PARD6G: variants seen among roughly 807,000 people sequenced by gnomAD.
The protein encoded by PARD6G is par-6 family cell polarity regulator gamma.
Under a neutral mutation model 10.7 loss-of-function variants are expected in PARD6G, and 7 were observed. That is an observed-to-expected ratio of 0.66 (90% CI 0.37 to 1.23). The LOEUF (loss-of-function observed/expected upper bound fraction) is 1.23. Ranked by LOEUF, PARD6G falls within the 50% of genes most tolerant of loss-of-function variation. The pLI is 0.02. For missense variants in PARD6G, 548 were observed against 571.8 expected (o/e 0.96, Z 0.42); for synonymous variants, 287 against 269.4 (o/e 1.07, Z -0.64).
intron 2 of PARD6G, chr18:80,170,141 T>C (rs2052766003): frequency 2.0e-5 from 3 of 152,214 alleles, no homozygotes; most frequent in Non-Finnish European, 4.4e-5. Flanking sequence ...CACCACTGGG[T>C]CAAAACACAT....
intron 2 of PARD6G, among the ~76,000 whole-genome samples, chr18:80,185,127 T>G (rs1262292454): frequency 6.6e-6 from 1 of 152,200 alleles, no homozygotes; most frequent in Non-Finnish European, 1.5e-5. Context: ...TCGACGTTGA[T>G]GAATTACAAT....
chr18:80,173,283 C>A (rs1395758225), intron 2 of PARD6G, among the ~76,000 whole-genome samples: 1 of 152,144 alleles, frequency 6.6e-6, no homozygotes, highest in African/African-American at 2.4e-5. Context: ...AGACTCAGAA[C>A]TACAAGGGCA....
intron 1 of PARD6G, among the ~76,000 whole-genome samples, chr18:80,238,741 G>A (rs1251349017): frequency 6.6e-6 from 1 of 151,886 alleles, no homozygotes; most frequent in Non-Finnish European, 1.5e-5. Context: ...TGGGCTAAGG[G>A]GGTCTGGGAC....
intron 2 of PARD6G, among the ~76,000 whole-genome samples, chr18:80,191,510 G>A (rs1052546225): frequency 1.9e-4 from 29 of 152,342 alleles, no homozygotes; most frequent in African/African-American, 7.0e-4. Flanking sequence ...CCTGGGCAAT[G>A]AGATGGAGAG....
chr18:80,199,470 T>G (rs779183996), intron 2 of PARD6G, among the ~76,000 whole-genome samples: 1 of 152,218 alleles, frequency 6.6e-6, no homozygotes, highest in Non-Finnish European at 1.5e-5. Flanking sequence ...TTATGGATAT[T>G]GTGAATAATG....
rs1365885659 is a variant in PARD6G at position 80,200,624 on chromosome 18, G to T, written c.295+2086C>A. Among the ~76,000 whole-genome samples the T allele has an allele frequency of 6.6e-6, 1 of 152,142 alleles. No homozygotes were observed. The highest frequency in any genetic ancestry group is 2.4e-5 in the African/African-American group (1 of 41,418). On this transcript the variant is annotated intron_variant, in intron 2 of 2. Transcript: ENST00000353265. This position sits in a 1 kb window ranked among gnomAD's most constrained non-coding sequence, Gnocchi z 4.4. ...CAGGGGCTGCTGGCGACACGCTCAC[G>T]CTATAACCACGAGAGACTGAGAAAC...
intron 2 of PARD6G, chr18:80,168,985 G>A (rs1415411211): frequency 1.2e-5 from 2 of 169,260 alleles, no homozygotes; most frequent in Non-Finnish European, 2.9e-5. Flanking sequence ...TGGCGAGGAA[G>A]GGTGGGAACT....
At chr18:80,225,203 C>A (rs781199002) in intron 1 of PARD6G, among the ~76,000 whole-genome samples, 7 of 152,128 alleles carry the variant, frequency 4.6e-5, no homozygotes, top group Non-Finnish European at 7.4e-5. Flanking sequence ...GTCTGCTTTT[C>A]CTTTACAAAG....
Position 80,165,689 on chromosome 18 carries a change from G to A in PARD6G, c.296-5083C>T, listed in dbSNP as rs9947279. Among the ~76,000 whole-genome samples the A allele has an allele frequency of 3.2e-3, 490 of 152,276 alleles. 4 individuals carry two copies. Among genetic ancestry groups the A allele is most frequent in the African/African-American group, 0.011 (452 of 41,546 alleles). On this transcript the variant is annotated intron_variant, in intron 2 of 2. Transcript: ENST00000353265. ...CTCCATTCAGGGTCCCTGACTTCCC[G>A]CAATGGATATGTCTTTGCCTCTAAA...
At chr18:80,213,946 C>A (rs1348450722) in intron 1 of PARD6G, among the ~76,000 whole-genome samples, 887 of 115,704 alleles carry the variant, frequency 7.7e-3, no homozygotes, top group Middle Eastern at 0.013. Context: ...GACTCCATCT[C>A]AAAAAAAAAA....
chr18:80,202,688 G>A lies in PARD6G; in HGVS notation c.295+22C>T, dbSNP rs112201843. 4.1e-4 allele frequency: 648 copies of A among 1,591,786 alleles called. 4 individuals are homozygous for A. In the African/African-American group the frequency reaches 6.8e-3, roughly 17 times the overall value. ...AAATGATTTCTCAACAAGACCAGCC[G>A]GCCACTCAACCACTTCAGTACCTCG... On this transcript the variant is annotated intron_variant, in intron 2 of 2. Transcript: ENST00000353265.
chr18:80,226,841 T>A (rs928844356), intron 1 of PARD6G, among the ~76,000 whole-genome samples: 1 of 152,194 alleles, frequency 6.6e-6, no homozygotes, highest in African/African-American at 2.4e-5. Flanking sequence ...GCCACAAATT[T>A]AAAATTTTTA....
At chr18:80,210,605 A>C (rs887175336) in intron 1 of PARD6G, among the ~76,000 whole-genome samples, 1 of 152,248 alleles carries the variant, frequency 6.6e-6, no homozygotes, top group Non-Finnish European at 1.5e-5. Flanking sequence ...GAACACAATC[A>C]GCATCAGCTG....
intron 1 of PARD6G, among the ~76,000 whole-genome samples, chr18:80,243,661 C>G (rs562657770): frequency 6.6e-6 from 1 of 152,230 alleles, no homozygotes; most frequent in South Asian, 2.1e-4. Flanking sequence ...AGCATCATGA[C>G]AAGTGCCAAT....
chr18:80,226,688 T>A (rs1967296891), intron 1 of PARD6G, among the ~76,000 whole-genome samples: 1 of 152,070 alleles, frequency 6.6e-6, no homozygotes, highest in South Asian at 2.1e-4. Flanking sequence ...CGGAGAAAGA[T>A]TACATCTGTT....
chr18:80,186,263 C>A (rs1401811406), intron 2 of PARD6G, among the ~76,000 whole-genome samples: 1 of 148,444 alleles, frequency 6.7e-6, no homozygotes, highest in Non-Finnish European at 1.5e-5. Context: ...CACATGCACC[C>A]ACACATGCAT....
chr18:80,204,236 A>C (rs1417030937), intron 1 of PARD6G, among the ~76,000 whole-genome samples: 1 of 152,248 alleles, frequency 6.6e-6, no homozygotes, highest in African/African-American at 2.4e-5. Flanking sequence ...TGTTTATGGA[A>C]AACTAGTCAT....
intron 2 of PARD6G, 65 bp downstream of exon 2, chr18:80,202,645 T>C (rs563620018): frequency 2.6e-5 from 36 of 1,376,918 alleles, no homozygotes; most frequent in Middle Eastern, 2.5e-4. Flanking sequence ...ACAGAAAAAA[T>C]TGAAAACTGT....
At chr18:80,209,876 T>G (rs1409250711) in intron 1 of PARD6G, among the ~76,000 whole-genome samples, 1 of 152,228 alleles carries the variant, frequency 6.6e-6, no homozygotes, top group African/African-American at 2.4e-5. Context: ...TAAAATGTAT[T>G]CAATGATAAC....
Sources: allele counts gnomAD v4.1 joint callset (sites outside exome capture counted in the v4.1 genomes callset), GRCh38; gene constraint gnomAD v4.1.1; non-coding constraint Gnocchi (gnomAD v3.1); transcripts MANE v1.5; gene names NCBI Gene and HGNC (gene_info 2026-07-23, HGNC 2026-07-21).